Variants in TSNARE1 observed in about 807,000 individuals in gnomAD.
The protein encoded by TSNARE1 is t-SNARE domain containing 1.
In TSNARE1, 49 loss-of-function variants were observed where a neutral mutation model predicts 62.0. The ratio of observed to expected loss-of-function variants is 0.79; its 90% CI spans 0.63 to 1.00. The LOEUF is 1.00. Ranked by LOEUF, TSNARE1 falls within the 50% of genes least tolerant of loss-of-function variation. The pLI is 0.00. For missense variants in TSNARE1, 755 were observed against 700.1 expected (o/e 1.08, Z -0.88); for synonymous variants, 328 against 294.4 (o/e 1.11, Z -1.17).
intron 12 of TSNARE1, chr8:142,270,200 G>A: frequency 1.0e-6 from 1 of 985,380 alleles, no homozygotes; most frequent in Non-Finnish European, 1.2e-6. Flanking sequence ...GCAGGGACTG[G>A]AGATGTGGCA....
At chr8:142,289,094 C>T (rs557862182) in intron 10 of TSNARE1, among the ~76,000 whole-genome samples, 129 of 152,360 alleles carry the variant, frequency 8.5e-4, no homozygotes, top group Non-Finnish European at 5.6e-4. Context: ...CCTGGTCCCA[C>T]TTCCCTGCAG....
intron 10 of TSNARE1, among the ~76,000 whole-genome samples, chr8:142,295,161 AC>A (rs1244349128): frequency 6.6e-6 from 1 of 152,076 alleles, no homozygotes; most frequent in East Asian, 1.9e-4. Context: ...CACCCGAGCA[AC>A]CCATAAGCAG....
intron 1 of TSNARE1, among the ~76,000 whole-genome samples, chr8:142,390,994 G>A (rs1331462882): frequency 6.9e-6 from 1 of 144,724 alleles, no homozygotes; most frequent in Non-Finnish European, 1.5e-5. Flanking sequence ...TATAGCAGAC[G>A]CTGTACACTG....
In TSNARE1 at chr8:142,380,053, G is replaced by A. The variant is rs146408043; in HGVS notation, c.-40+23051C>T. Among the ~76,000 whole-genome samples the A allele has an allele frequency of 3.3e-3, 497 of 152,320 alleles. 1 individual carries two copies. Among genetic ancestry groups the A allele is most frequent in the Admixed American group, 5.9e-3 (91 of 15,302 alleles). On this transcript the variant is annotated intron_variant, in intron 1 of 13. Transcript: ENST00000524325. The stretch of plus-strand genomic sequence containing the variant: ...CACTCCCCACTGCCAAATCTGCGCT[G>A]GGAGTTCCAGGTCACAACAACAACA...
At chr8:142,315,315 G>C (rs1828356996) in intron 7 of TSNARE1, among the ~76,000 whole-genome samples, 1 of 152,196 alleles carries the variant, frequency 6.6e-6, no homozygotes, top group South Asian at 2.1e-4. Flanking sequence ...AACACCACCT[G>C]CCGGAGCCAG....
chr8:142,398,866 A>T (rs562052036), intron 1 of TSNARE1, among the ~76,000 whole-genome samples: 39 of 152,286 alleles, frequency 2.6e-4, no homozygotes, highest in Admixed American at 1.2e-3. Context: ...ACCCAAGGAC[A>T]AAAAAGGAAG....
chr8:142,391,785 C>T (rs1837551163), intron 1 of TSNARE1, among the ~76,000 whole-genome samples: 1 of 152,252 alleles, frequency 6.6e-6, no homozygotes, highest in Non-Finnish European at 1.5e-5. Context: ...CATGTTCGCT[C>T]ACCCACACGC....
intron 6 of TSNARE1, among the ~76,000 whole-genome samples, chr8:142,321,096 A>AG (rs1829420754): frequency 6.6e-6 from 1 of 152,182 alleles, no homozygotes; most frequent in Admixed American, 6.5e-5. Context: ...TCGTGGGAAC[A>AG]GGAGGTTGCC....
At chr8:142,267,720 AC>A (rs1333106565) in intron 12 of TSNARE1, among the ~76,000 whole-genome samples, 1 of 152,186 alleles carries the variant, frequency 6.6e-6, no homozygotes, top group Non-Finnish European at 1.5e-5. Context: ...AAGCTCCGCC[AC>A]AGAATGCCAC....
intron 13 of TSNARE1, among the ~76,000 whole-genome samples, chr8:142,213,230 C>T (rs1279180114): frequency 2.3e-5 from 2 of 85,330 alleles, no homozygotes; most frequent in African/African-American, 5.1e-5. Context: ...CTCTCCCCTC[C>T]GACTCTGCCC....
intron 6 of TSNARE1, among the ~76,000 whole-genome samples, chr8:142,329,622 T>C (rs972093702): frequency 6.6e-6 from 1 of 152,174 alleles, no homozygotes; most frequent in Admixed American, 6.5e-5. Flanking sequence ...GCCACACGTT[T>C]CCTGAGCCCG....
rs1823462040 is a variant in TSNARE1, at chr8:142,289,899, C to T, written c.1291-5414G>A. Among the ~76,000 whole-genome samples, 3 of 152,284 alleles carry T rather than the reference C, an allele frequency of 2.0e-5. No individual in the cohort carries two copies. In the South Asian group the frequency reaches 6.2e-4, roughly 32 times the overall value. The stretch of plus-strand genomic sequence containing the variant: ...GGCTGGGACCTGCAGCTGGGCCTGT[C>T]GCTGATGGTGCAGGCAGATCCCAAG... On this transcript the variant is annotated intron_variant, in intron 10 of 13. Coordinates refer to ENST00000524325, the MANE Select transcript of TSNARE1 (RefSeq NM_145003.5).
chr8:142,271,257 G>C (rs1418443636), intron 12 of TSNARE1: 1 of 1,029,320 alleles, frequency 9.7e-7, no homozygotes, highest in African/African-American at 1.7e-5. Flanking sequence ...GCTTCCACCA[G>C]CCTCTCGAGG....
intron 1 of TSNARE1, among the ~76,000 whole-genome samples, chr8:142,355,473 C>A (rs1391821982): frequency 6.6e-6 from 1 of 152,194 alleles, no homozygotes. Flanking sequence ...ACCCTTGGGG[C>A]ACCGGCCGTC....
At chr8:142,301,665 T>C (rs1331894360) in intron 9 of TSNARE1, among the ~76,000 whole-genome samples, 1 of 152,000 alleles carries the variant, frequency 6.6e-6, no homozygotes, top group Non-Finnish European at 1.5e-5. Flanking sequence ...TGACATTGTG[T>C]GTGTGTGAGG....
chr8:142,326,059 C>T (rs1447674514), intron 6 of TSNARE1: 3 of 155,868 alleles, frequency 1.9e-5, no homozygotes, highest in Non-Finnish European at 3.9e-5. Context: ...GAACCAGCAC[C>T]AGTGAAGGCC....
chr8:142,278,819 C>A (rs1159031211), intron 11 of TSNARE1: 1 of 985,112 alleles, frequency 1.0e-6, no homozygotes, highest in African/African-American at 1.7e-5. Flanking sequence ...GAGGGAGGGG[C>A]CTGCAGAAGG....
At chr8:142,215,761 T>C (rs990119727) in intron 13 of TSNARE1, among the ~76,000 whole-genome samples, 1 of 152,144 alleles carries the variant, frequency 6.6e-6, no homozygotes, top group African/African-American at 2.4e-5. Flanking sequence ...GGCAGCCCCA[T>C]GTGGGCACCT....
At chr8:142,279,702 G>A (rs951105755) in intron 11 of TSNARE1, among the ~76,000 whole-genome samples, 6 of 152,132 alleles carry the variant, frequency 3.9e-5, no homozygotes, top group East Asian at 1.9e-4. Flanking sequence ...GAAGAGATGG[G>A]CCAGGAGGGT....
Sources: gnomAD v4.1 joint callset for allele counts (sites outside exome capture counted in the v4.1 genomes callset) on GRCh38, gnomAD v4.1.1 for gene constraint, MANE v1.5 for transcripts, NCBI Gene and HGNC (gene_info 2026-07-23, HGNC 2026-07-21) for gene names.